PCDHGA1: variants seen among roughly 807,000 people sequenced by gnomAD.
The protein encoded by PCDHGA1 is protocadherin gamma-A1.
A neutral mutation model predicts 58.0 loss-of-function variants in PCDHGA1; 32 were observed. That is an observed-to-expected ratio of 0.55 (90% CI 0.42 to 0.74). The LOEUF is 0.74. PCDHGA1 is among the 30% of genes least tolerant of loss of function. The pLI is 0.00. For missense variants in PCDHGA1, 1,205 were observed against 1,182.3 expected (o/e 1.02, Z -0.28); for synonymous variants, 498 against 501.1 (o/e 0.99, Z 0.08).
chr5:141,408,240 C>T (rs1012868761), intron 1 of PCDHGA1: 89 of 1,578,820 alleles, frequency 5.6e-5, no homozygotes, highest in Non-Finnish European at 7.3e-5. Context: ...CGGGCCGGCC[C>T]GCGGCAGGTG....
chr5:141,395,084 C>A (rs757269551), intron 1 of PCDHGA1: 1 of 1,614,190 alleles, frequency 6.2e-7, no homozygotes, highest in South Asian at 1.1e-5. Flanking sequence ...CCCAGGAAGT[C>A]TCCCTCACCG....
chr5:141,448,915 A>T (rs2098616551), intron 1 of PCDHGA1, among the ~76,000 whole-genome samples: 1 of 152,238 alleles, frequency 6.6e-6, no homozygotes. Context: ...ACTGCACTCC[A>T]GCCTGGGCGA....
At chr5:141,384,411 T>C (rs751134591) in intron 1 of PCDHGA1, 7 of 1,613,860 alleles carry the variant, frequency 4.3e-6, no homozygotes, top group South Asian at 1.1e-5. Flanking sequence ...TGTCCTCCTA[T>C]GTCTCCATAA....
chr5:141,368,992 C>T (rs1228600699), intron 1 of PCDHGA1, among the ~76,000 whole-genome samples: 4 of 152,202 alleles, frequency 2.6e-5, no homozygotes, highest in South Asian at 2.1e-4. Context: ...AAGGTGAATT[C>T]GGTGTGGAAC....
Position 141,477,286 on chromosome 5 carries a change from A to G in PCDHGA1, c.2422-17521A>G, listed in dbSNP as rs1367207950. 1.9e-6 allele frequency: 3 copies of G among 1,614,194 alleles called. No individual in the cohort carries two copies. Among genetic ancestry groups the G allele is most frequent in the Non-Finnish European group, 8.5e-7 (1 of 1,180,034 alleles). ...GCGAGAACGGGCTGGTGACCTGCGA[A>G]GTTCCACCGGGTCTCCCTTTCAGCC... On this transcript the variant is annotated intron_variant, in intron 1 of 3. Coordinates refer to ENST00000517417, the MANE Select transcript of PCDHGA1 (RefSeq NM_018912.3). The surrounding 1 kb of genome is among the most constrained non-coding windows in gnomAD (Gnocchi z 4.9).
rs935078369 is a variant in PCDHGA1 at position 141,351,524 on chromosome 5, G to A, written c.2421+18419G>A. 9.9e-6 allele frequency: 16 copies of A among 1,613,998 alleles called. No homozygotes were observed. The South Asian group carries it at 1.2e-4, about 12-fold the overall frequency. Reference sequence around the variant, plus strand: ...CTACAACGTCACAATCATAGCCACCGACAAGGGCAAACCAGCCCTTTCCTC... The same window carrying A: ...CTACAACGTCACAATCATAGCCACCAACAAGGGCAAACCAGCCCTTTCCTC... On this transcript the variant is annotated intron_variant, in intron 1 of 3. Coordinates refer to ENST00000517417, the MANE Select transcript of PCDHGA1 (RefSeq NM_018912.3).
chr5:141,428,001 T>C (rs149531447), intron 1 of PCDHGA1: 1 of 1,601,704 alleles, frequency 6.2e-7, no homozygotes, highest in Admixed American at 1.7e-5. Flanking sequence ...CTCCGCACTC[T>C]TCGATATAGT....
In PCDHGA1 at chr5:141,409,573, C is replaced by A. The variant is rs562811168; in HGVS notation, c.2421+76468C>A. 7 of 1,613,816 alleles carry A rather than the reference C, an allele frequency of 4.3e-6. No individual in the cohort carries two copies. In the Admixed American group the frequency reaches 1.2e-4, roughly 27 times the overall value. ...CCCCAGTTTTCGACCAGACGTCCTA[C>A]GTGGTCCACGTGGCCGAGAACAACC... On this transcript the variant is annotated intron_variant, in intron 1 of 3. Transcript: ENST00000517417.
In PCDHGA1 at chr5:141,486,805, C is replaced by A; in HGVS notation, c.2422-8002C>A. On this transcript the variant is annotated intron_variant, in intron 1 of 3. Transcript: ENST00000517417. The surrounding 1 kb of genome is among the most constrained non-coding windows in gnomAD (Gnocchi z 5.0). ...AGGCCCGGGATCGGGGCAACCCACC[C>A]CTTAGCAGCACTGTAACAGTTCGTC... 1.2e-6 allele frequency: 2 copies of A among 1,614,242 alleles called. No homozygotes were observed. Among genetic ancestry groups the A allele is most frequent in the Admixed American group, 1.7e-5 (1 of 60,034 alleles).
chr5:141,341,112 A>T (rs753766084), intron 1 of PCDHGA1: 51 of 1,613,952 alleles, frequency 3.2e-5, no homozygotes, highest in South Asian at 9.9e-5. Context: ...TTGCTGGCGC[A>T]CAGGCTGCGG....
Position 141,476,290 on chromosome 5 carries a change from C to G in PCDHGA1, c.2422-18517C>G, listed in dbSNP as rs768208156. The stretch of plus-strand genomic sequence containing the variant: ...TGGTCGCGAACCTTGGTTTGGATCT[C>G]GGTAGCCTCTCAGCCCGCAGGTTCC... On this transcript the variant is annotated intron_variant, in intron 1 of 3. Coordinates refer to ENST00000517417, the MANE Select transcript of PCDHGA1 (RefSeq NM_018912.3). The surrounding 1 kb of genome is among the most constrained non-coding windows in gnomAD (Gnocchi z 7.6). 1 of 1,614,050 alleles carries G rather than the reference C, an allele frequency of 6.2e-7. No homozygotes were observed. The highest frequency in any genetic ancestry group is 1.7e-5 in the Admixed American group (1 of 60,012).
Position 141,372,293 on chromosome 5 carries a change from C to A in PCDHGA1, c.2421+39188C>A, listed in dbSNP as rs779422890. Reference sequence around the variant, plus strand: ...AGGTGCGCACGGCGCGTACCTTGGGCGACAGGGAGGCCGCCCGCCAGCGCC... The same window carrying A: ...AGGTGCGCACGGCGCGTACCTTGGGAGACAGGGAGGCCGCCCGCCAGCGCC... On this transcript the variant is annotated intron_variant, in intron 1 of 3. Coordinates refer to ENST00000517417, the MANE Select transcript of PCDHGA1 (RefSeq NM_018912.3). 1.9e-6 allele frequency: 3 copies of A among 1,613,106 alleles called. No homozygotes were observed. In the East Asian group the frequency reaches 6.7e-5, roughly 36 times the overall value.
chr5:141,491,612 G>A lies in PCDHGA1; in HGVS notation c.2422-3195G>A, dbSNP rs759955730. ...GACGGCAGTGACTTCACTTTTCTAAGACCCCTCAGCGTTCAGCAGCCCACA... is the reference window on the plus strand; with the variant it reads ...GACGGCAGTGACTTCACTTTTCTAAAACCCCTCAGCGTTCAGCAGCCCACA... On this transcript the variant is annotated intron_variant, in intron 1 of 3. Coordinates refer to ENST00000517417, the MANE Select transcript of PCDHGA1 (RefSeq NM_018912.3). The surrounding 1 kb of genome is among the most constrained non-coding windows in gnomAD (Gnocchi z 6.9). 6.2e-7 allele frequency: 1 copy of A among 1,613,906 alleles called. No individual in the cohort carries two copies. The highest frequency in any genetic ancestry group is 8.5e-7 in the Non-Finnish European group (1 of 1,180,026).
chr5:141,367,840 G>A (rs1011519474), intron 1 of PCDHGA1: 3 of 151,982 alleles, frequency 2.0e-5, no homozygotes, highest in Admixed American at 2.0e-4. Flanking sequence ...AATACCTACT[G>A]CAATGTTAGC....
intron 3 of PCDHGA1, among the ~76,000 whole-genome samples, chr5:141,507,571 G>A (rs2099861692): frequency 6.6e-6 from 1 of 152,254 alleles, no homozygotes; most frequent in Non-Finnish European, 1.5e-5. Flanking sequence ...TGGGTCTGAG[G>A]AGATGCCAAG....
At chr5:141,367,576 C>T (rs1435052087) in intron 1 of PCDHGA1, 1 of 138,304 alleles carries the variant, frequency 7.2e-6, no homozygotes, top group African/African-American at 2.7e-5. Context: ...AAATAAATAT[C>T]AGAAAAGTAG....
intron 1 of PCDHGA1, among the ~76,000 whole-genome samples, chr5:141,433,378 T>C (rs1246585250): frequency 6.6e-5 from 10 of 151,072 alleles, no homozygotes. Context: ...TATCTATCTA[T>C]CTATCTATCT....
intron 1 of PCDHGA1, among the ~76,000 whole-genome samples, chr5:141,479,050 C>T (rs1484021560): frequency 6.6e-6 from 1 of 152,164 alleles, no homozygotes; most frequent in African/African-American, 2.4e-5. Context: ...ACCTCATTCT[C>T]AGATAATTTT....
intron 1 of PCDHGA1, chr5:141,340,079 A>G: frequency 1.9e-6 from 3 of 1,614,044 alleles, no homozygotes; most frequent in Non-Finnish European, 1.7e-6. Context: ...TGGGCTTTTT[A>G]ATGTACATGA....
Sources: allele counts gnomAD v4.1 joint callset (sites outside exome capture counted in the v4.1 genomes callset), GRCh38; gene constraint gnomAD v4.1.1; non-coding constraint Gnocchi (gnomAD v3.1); transcripts MANE v1.5; gene names NCBI Gene and HGNC (gene_info 2026-07-23, HGNC 2026-07-21).